Variants in CARMIL1 observed in about 807,000 individuals in gnomAD.
CARMIL1 encodes the protein F-actin-uncapping protein LRRC16A.
CARMIL1 carries 90 observed loss-of-function variants against 177.1 expected under a neutral mutation model. That is an observed-to-expected ratio of 0.51 (90% CI 0.43 to 0.61). CARMIL1 has a LOEUF of 0.61. Ranked by LOEUF, CARMIL1 falls within the 20% of genes least tolerant of loss-of-function variation. The probability of loss-of-function intolerance (pLI) is 0.00; values close to 1 mark genes in which losing one functional copy is unlikely to be tolerated. For synonymous variants in CARMIL1, 577 were observed against 606.2 expected (o/e 0.95, Z 0.71); for missense variants, 1,380 against 1,667.0 (o/e 0.83, Z 3.00).
At chr6:25,335,602 A>G (rs1018723132) in intron 2 of CARMIL1, among the ~76,000 whole-genome samples, 2 of 152,256 alleles carry the variant, frequency 1.3e-5, no homozygotes, top group African/African-American at 4.8e-5. Context: ...TACATGTTTT[A>G]CTAATTCTGA....
chr6:25,422,762 A>G (rs1795966431), intron 3 of CARMIL1, among the ~76,000 whole-genome samples: 2 of 152,174 alleles, frequency 1.3e-5, no homozygotes, highest in Non-Finnish European at 2.9e-5. Flanking sequence ...CCTAAAAAAT[A>G]TGCATACCCT....
At chr6:25,592,912 T>C (rs1814457853) in intron 31 of CARMIL1, among the ~76,000 whole-genome samples, 1 of 152,194 alleles carries the variant, frequency 6.6e-6, no homozygotes, top group Non-Finnish European at 1.5e-5. Flanking sequence ...TTAATATACA[T>C]TGCAGACACA....
intron 13 of CARMIL1, among the ~76,000 whole-genome samples, chr6:25,490,968 A>T (rs1803170675): frequency 6.6e-6 from 1 of 152,200 alleles, no homozygotes; most frequent in Non-Finnish European, 1.5e-5. Context: ...AGGAGAATTT[A>T]AGCTATTTGC....
At chr6:25,566,854 A>G (rs1811596643) in intron 29 of CARMIL1, among the ~76,000 whole-genome samples, 1 of 152,232 alleles carries the variant, frequency 6.6e-6, no homozygotes. Flanking sequence ...TAGCAGATTA[A>G]TCTGGGAGCT....
intron 23 of CARMIL1, among the ~76,000 whole-genome samples, chr6:25,524,943 A>G (rs1430169780): frequency 3.3e-5 from 5 of 152,276 alleles, no homozygotes; most frequent in African/African-American, 1.2e-4. Context: ...TTGCACAAAG[A>G]AAAAAAGAAA....
At chr6:25,385,818 A>G (rs1213365907) in intron 2 of CARMIL1, among the ~76,000 whole-genome samples, 2 of 152,228 alleles carry the variant, frequency 1.3e-5, no homozygotes, top group African/African-American at 4.8e-5. Flanking sequence ...TCCAGTCTGT[A>G]GATTATTCTG....
chr6:25,432,838 C>T (rs1796922280), intron 4 of CARMIL1: 1 of 151,930 alleles, frequency 6.6e-6, no homozygotes, highest in Non-Finnish European at 1.5e-5. Flanking sequence ...GGTTGTTCGA[C>T]CTTAAAAAAA....
At chr6:25,307,072 GT>G (rs1490775467) in intron 2 of CARMIL1, among the ~76,000 whole-genome samples, 1 of 151,954 alleles carries the variant, frequency 6.6e-6, no homozygotes, top group African/African-American at 2.4e-5. Flanking sequence ...GTAGAGACAG[GT>G]TTTCACCATG....
intron 2 of CARMIL1, among the ~76,000 whole-genome samples, chr6:25,332,023 A>G (rs1227196212): frequency 2.6e-5 from 4 of 152,224 alleles, no homozygotes; most frequent in Non-Finnish European, 4.4e-5. Context: ...TTTTAAAAAC[A>G]TAAATTTTGT....
intron 31 of CARMIL1, among the ~76,000 whole-genome samples, chr6:25,593,236 C>T (rs1451221286): frequency 6.6e-6 from 1 of 152,192 alleles, no homozygotes; most frequent in Non-Finnish European, 1.5e-5. Context: ...ATTAGTTCCT[C>T]ATCACCTCCA....
rs147693172 is a variant in CARMIL1, at chr6:25,549,417, G to A, written c.2329-1493G>A. 3.3e-3 allele frequency among the ~76,000 whole-genome samples: 496 copies of A among 152,298 alleles called. 1 individual carries two copies. Among genetic ancestry groups the A allele is most frequent in the African/African-American group, 0.011 (474 of 41,562 alleles). On this transcript the variant is annotated intron_variant, in intron 26 of 36. Coordinates refer to ENST00000329474, the MANE Select transcript of CARMIL1 (RefSeq NM_017640.6). ...AAAATGTGTTTATCTCAGTGTCAAA[G>A]AGGAGACTAATTTGCCTTAGACTGA... is the stretch of plus-strand genomic sequence containing the variant.
intron 2 of CARMIL1, among the ~76,000 whole-genome samples, chr6:25,400,372 G>C (rs375205249): frequency 6.6e-6 from 1 of 152,116 alleles, no homozygotes; most frequent in Non-Finnish European, 1.5e-5. Flanking sequence ...GCATCTTCCT[G>C]GATGCTTTTC....
At chr6:25,312,689 C>G (rs1207053598) in intron 2 of CARMIL1, among the ~76,000 whole-genome samples, 28 of 150,684 alleles carry the variant, frequency 1.9e-4, no homozygotes, top group African/African-American at 6.8e-4. Context: ...TTCAGTCACT[C>G]AGTATTACTA....
intron 2 of CARMIL1, among the ~76,000 whole-genome samples, chr6:25,298,205 C>T (rs921210249): frequency 3.9e-5 from 6 of 152,052 alleles, no homozygotes; most frequent in African/African-American, 1.5e-4. Flanking sequence ...GGGGTAGTGT[C>T]GTGATAATGC....
chr6:25,561,241 C>G (rs1014702895), intron 29 of CARMIL1, among the ~76,000 whole-genome samples: 10 of 152,092 alleles, frequency 6.6e-5, no homozygotes, highest in African/African-American at 2.4e-4. Context: ...TTAGTTATCT[C>G]TAAATATTTA....
chr6:25,321,937 T>G (rs1471892052), intron 2 of CARMIL1, among the ~76,000 whole-genome samples: 1 of 151,466 alleles, frequency 6.6e-6, no homozygotes, highest in Non-Finnish European at 1.5e-5. Context: ...GGATTACAGG[T>G]GTGAGCCACT....
intron 36 of CARMIL1, among the ~76,000 whole-genome samples, chr6:25,617,033 T>C (rs2151354366): frequency 6.6e-6 from 1 of 152,328 alleles, no homozygotes; most frequent in Middle Eastern, 3.4e-3. Flanking sequence ...TGGAGGTGAA[T>C]ATATTTAGAA....
chr6:25,444,375 C>CT lies in CARMIL1; in HGVS notation c.372-5513dup, dbSNP rs539763385. Among the ~76,000 whole-genome samples the CT allele has an allele frequency of 4.9e-4, 74 of 150,802 alleles. 1 individual carries two copies. The highest frequency in any genetic ancestry group is 1.5e-3 in the South Asian group (7 of 4,764). ...GTCATTTCAACCAGGTTCACAGTGT[C>CT]TTTTTTTTTTAAATTATATTTTAAG... On this transcript the variant is annotated intron_variant, in intron 5 of 36. Transcript: ENST00000329474.
At chr6:25,292,699 G>A (rs947271682) in intron 2 of CARMIL1, among the ~76,000 whole-genome samples, 1 of 152,022 alleles carries the variant, frequency 6.6e-6, no homozygotes, top group African/African-American at 2.4e-5. Context: ...CACCAGGCTC[G>A]GTGTAACTTT....
Sources: gnomAD v4.1 joint callset for allele counts (sites outside exome capture counted in the v4.1 genomes callset) on GRCh38, gnomAD v4.1.1 for gene constraint, MANE v1.5 for transcripts, NCBI Gene and HGNC (gene_info 2026-07-23, HGNC 2026-07-21) for gene names.